Variants in PCNX2 observed in about 807,000 individuals in gnomAD.
The protein encoded by PCNX2 is pecanex 2, also known as pecanex-like protein 2.
A neutral mutation model predicts 223.8 loss-of-function variants in PCNX2; 168 were observed. That is an observed-to-expected ratio of 0.75 (90% CI 0.66 to 0.85). The LOEUF is 0.85. Ranked by LOEUF, PCNX2 falls within the 40% of genes least tolerant of loss-of-function variation. PCNX2 has a pLI of 0.00. For missense variants in PCNX2, 2,507 were observed against 2,675.5 expected, an observed-to-expected ratio of 0.94 and a Z score of 1.39; for synonymous variants, 1,006 against 1,052.6, an observed-to-expected ratio of 0.96 and a Z score of 0.86.
At chr1:233,227,522 T>C (rs1657815813) in intron 9 of PCNX2, 151 bp from the exon 10 acceptor site, 1 of 391,632 alleles carries the variant, frequency 2.6e-6, no homozygotes, top group Non-Finnish European at 3.5e-6. Flanking sequence ...TTCTGATATG[T>C]AAACCAACAT....
intron 23 of PCNX2, among the ~76,000 whole-genome samples, chr1:233,089,052 C>T (rs186406748): frequency 1.7e-3 from 266 of 152,294 alleles, no homozygotes; most frequent in African/African-American, 6.1e-3. Flanking sequence ...GCCACACCAC[C>T]TGTGCCAGAA....
chr1:233,000,635 GC>G lies in PCNX2; in HGVS notation c.5098-101del. The G allele has an allele frequency of 1.1e-6, 1 of 911,212 alleles. No homozygotes were observed. Among genetic ancestry groups the G allele is most frequent in the East Asian group, 2.6e-5 (1 of 38,052 alleles). 56.4% of individuals were successfully genotyped at this position (911,212 alleles called of 1,614,324 possible). On this transcript the variant is annotated intron_variant, in intron 29 of 33. Coordinates refer to ENST00000258229, the MANE Select transcript of PCNX2 (RefSeq NM_014801.4). The surrounding 1 kb of genome is among the most constrained non-coding windows in gnomAD (Gnocchi z 4.6). Reference sequence around the variant, plus strand: ...ACTGGCCAGTGACCTCCAAAGCTAAGCTCTTTCCTCATCTTCCTCTCTCCTG... The same window carrying G: ...ACTGGCCAGTGACCTCCAAAGCTAAGTCTTTCCTCATCTTCCTCTCTCCTG...
intron 23 of PCNX2, among the ~76,000 whole-genome samples, chr1:233,059,398 C>T (rs68180973): frequency 0.14 from 22,064 of 152,196 alleles, 1,990 homozygotes; most frequent in African/African-American, 0.25. Flanking sequence ...CAAAACTACC[C>T]TCTGAGGTAG....
intron 19 of PCNX2, among the ~76,000 whole-genome samples, chr1:233,150,015 C>T (rs796357925): frequency 1.4e-4 from 22 of 152,212 alleles, no homozygotes; most frequent in African/African-American, 5.3e-4. Context: ...TCCCTCCCAA[C>T]CCCCTATGTG....
At position 233,295,406 on chromosome 1, in the gene PCNX2, G is replaced by C; in HGVS notation, c.73C>G (p.Pro25Ala). 1 of 1,553,612 alleles carries C rather than the reference G, an allele frequency of 6.4e-7. No homozygotes were observed. The highest frequency in any genetic ancestry group is 8.7e-7 in the Non-Finnish European group (1 of 1,148,168). Residue 25 changes from proline to alanine, a missense_variant, in exon 1 of 34, where the codon CCG (proline) becomes GCG (alanine). Pro to Ala is a conservative substitution (Grantham distance 27). Coordinates refer to ENST00000258229, the MANE Select transcript of PCNX2 (RefSeq NM_014801.4). The surrounding 1 kb of genome is among the most constrained non-coding windows in gnomAD (Gnocchi z 4.1). ...AALTGGWYHD[P>A]EQSKFTNSCH... ...CTGTTGGTGAACTTGCTCTGCTCCGGGTCGTGGTACCAGCCCCCGGTGAGC... is the reference window on the plus strand; with the variant it reads ...CTGTTGGTGAACTTGCTCTGCTCCGCGTCGTGGTACCAGCCCCCGGTGAGC...
At chr1:233,237,129 T>G in intron 8 of PCNX2, 149 bp from the exon 9 acceptor site, 2 of 1,013,358 alleles carry the variant, frequency 2.0e-6, no homozygotes, top group Non-Finnish European at 2.8e-6. Context: ...GAGTTTAAAA[T>G]TATGTATACA....
At chr1:233,065,306 C>G (rs753950392) in intron 23 of PCNX2, among the ~76,000 whole-genome samples, 4 of 152,160 alleles carry the variant, frequency 2.6e-5, no homozygotes, top group Non-Finnish European at 2.9e-5. Context: ...TTGTAAAAGT[C>G]TATTTCCTGA....
rs765728500 is a variant in PCNX2 at position 233,014,657 on chromosome 1, C to G, written c.4952+8G>C. 1.5e-5 allele frequency: 24 copies of G among 1,610,956 alleles called. No individual in the cohort carries two copies. The highest frequency in any genetic ancestry group is 2.2e-5 in the East Asian group (1 of 44,878). On this transcript the variant is annotated splice_region_variant and intron_variant, in intron 28 of 33. Transcript: ENST00000258229. ...ACCTAAGAGATTCTAACTTCTCCCC[C>G]CAGGTACCTGATGGCCATATTGTGA...
At chr1:233,134,624 A>G (rs1000376652) in intron 21 of PCNX2, among the ~76,000 whole-genome samples, 1 of 151,594 alleles carries the variant, frequency 6.6e-6, no homozygotes, top group Non-Finnish European at 1.5e-5. Context: ...GCAGGAAGGA[A>G]GGTAAGAAGG....
chr1:233,035,777 T>C (rs911174612), intron 25 of PCNX2, among the ~76,000 whole-genome samples: 1 of 152,222 alleles, frequency 6.6e-6, no homozygotes, highest in African/African-American at 2.4e-5. Context: ...CCATCAGATA[T>C]GGCCATTTCT....
In PCNX2 at chr1:233,253,219, T is replaced by A. The variant is rs943587024; in HGVS notation, c.1835-431A>T. Among the ~76,000 whole-genome samples, 30 of 152,368 alleles carry A rather than the reference T, an allele frequency of 2.0e-4. No individual in the cohort carries two copies. Among genetic ancestry groups the A allele is most frequent in the African/African-American group, 7.0e-4 (29 of 41,596 alleles). On this transcript the variant is annotated intron_variant, in intron 5 of 33. Transcript: ENST00000258229. The surrounding 1 kb of genome is among the most constrained non-coding windows in gnomAD (Gnocchi z 4.2). ...CAAGGTCCCCTTTACCATTTATAAA[T>A]CTTATCAGTCTTTCTTCTCACTCTC...
chr1:233,228,628 T>C (rs1657883247), intron 9 of PCNX2, among the ~76,000 whole-genome samples: 1 of 152,214 alleles, frequency 6.6e-6, no homozygotes, highest in African/African-American at 2.4e-5. Context: ...TGTTGTAGCA[T>C]GTGTCAGAAT....
At chr1:233,053,764 A>G (rs954320271) in intron 25 of PCNX2, among the ~76,000 whole-genome samples, 9 of 152,240 alleles carry the variant, frequency 5.9e-5, no homozygotes, top group Admixed American at 2.0e-4. Context: ...CCATAAAGCA[A>G]TGAGGATTCA....
chr1:233,293,081 A>G (rs1294324), intron 1 of PCNX2, among the ~76,000 whole-genome samples: 11,341 of 152,228 alleles, frequency 0.075, 880 homozygotes, highest in African/African-American at 0.2. Flanking sequence ...CAAGATCTAA[A>G]TCAAGCTACT....
intron 25 of PCNX2, among the ~76,000 whole-genome samples, chr1:233,030,088 T>C (rs761960350): frequency 1.3e-5 from 2 of 152,210 alleles, no homozygotes; most frequent in Non-Finnish European, 1.5e-5. Flanking sequence ...AAATACTTGA[T>C]ATTGTTTCAC....
intron 23 of PCNX2, among the ~76,000 whole-genome samples, chr1:233,085,934 A>G (rs1050391676): frequency 3.3e-5 from 5 of 152,226 alleles, no homozygotes; most frequent in Non-Finnish European, 7.3e-5. Context: ...CATAGAAGCC[A>G]TGAGATATGA....
chr1:233,293,905 A>T lies in PCNX2; in HGVS notation c.153+1421T>A, dbSNP rs182213476. 3.2e-6 allele frequency: 3 copies of T among 948,736 alleles called. No individual in the cohort carries two copies. In the African/African-American group the frequency reaches 5.3e-5, roughly 17 times the overall value. The allele number at this position is 948,736 out of a possible 1,614,324, so 58.8% of individuals were successfully genotyped here. ...CATGACTTTGCTATGCTGTCCCTCT[A>T]GGAAAAGAGAAACCACTGGGGCCCA... On this transcript the variant is annotated intron_variant, in intron 1 of 33. Coordinates refer to ENST00000258229, the MANE Select transcript of PCNX2 (RefSeq NM_014801.4).
chr1:232,999,117 G>A lies in PCNX2; in HGVS notation c.5591C>T (p.Thr1864Ile). Reference protein sequence around the residue: ...TLDRIRTWFWTKWVRMRKDCN... With the variant: ...TLDRIRTWFWIKWVRMRKDCN... Reference sequence around the variant, plus strand: ...TGTAAAAACTTACCTTACCCACTTGGTCCAGAACCAGGTCCTAATTCTGTC... The same window carrying A: ...TGTAAAAACTTACCTTACCCACTTGATCCAGAACCAGGTCCTAATTCTGTC... The change falls in exon 31 of 34, where the codon ACC becomes ATC. Residue 1864 changes from threonine (T) to isoleucine (I), a missense_variant. This residue lies in a region of PCNX2 where 1,372 missense variants were observed against 1,509.4 expected (regional missense o/e 0.91). Coordinates refer to ENST00000258229, the MANE Select transcript of PCNX2 (RefSeq NM_014801.4). 1 of 1,609,152 alleles carries A rather than the reference G, an allele frequency of 6.2e-7. No individual in the cohort carries two copies. The highest frequency in any genetic ancestry group is 8.5e-7 in the Non-Finnish European group (1 of 1,176,326).
chr1:233,111,953 A>C (rs1001827475), intron 21 of PCNX2, among the ~76,000 whole-genome samples: 1 of 152,228 alleles, frequency 6.6e-6, no homozygotes, highest in Non-Finnish European at 1.5e-5. Flanking sequence ...CGATTACTTC[A>C]TGATTCTCAT....
Sources: allele counts gnomAD v4.1 joint callset (sites outside exome capture counted in the v4.1 genomes callset), GRCh38; gene constraint gnomAD v4.1.1; regional missense constraint gnomAD v4.1.1; non-coding constraint Gnocchi (gnomAD v3.1); transcripts MANE v1.5; gene names NCBI Gene and HGNC (gene_info 2026-07-23, HGNC 2026-07-21).